The following RPS6KC1 variants were observed in gnomAD, a reference collection of about 807,000 sequenced individuals.
RPS6KC1 encodes the protein ribosomal protein S6 kinase C1, also known as inactive ribosomal protein S6 kinase delta-1.
RPS6KC1 carries 54 observed loss-of-function variants against 103.8 expected under a neutral mutation model. The ratio of observed to expected loss-of-function variants is 0.52; its 90% CI spans 0.42 to 0.65. The LOEUF is 0.65. RPS6KC1 is among the 30% of genes least tolerant of loss of function. The pLI is 0.00. For missense variants in RPS6KC1, 1,151 were observed against 1,253.8 expected (o/e 0.92, Z 1.24); for synonymous variants, 439 against 438.7 (o/e 1.00, Z -0.01).
the RPS6KC1 span, among the ~76,000 whole-genome samples, chr1:213,633,715 A>T: frequency 6.6e-6 from 1 of 151,722 alleles, no homozygotes; most frequent in Non-Finnish European, 1.5e-5. Flanking sequence ...CTTAAATGTA[A>T]GTGGGCTAAA....
rs141921911 is a variant in RPS6KC1, at chr1:213,056,785, A to G, written c.105+5276A>G. Among the ~76,000 whole-genome samples, 463 of 151,450 alleles carry G rather than the reference A, an allele frequency of 3.1e-3. 3 individuals carry two copies. Among genetic ancestry groups the G allele is most frequent in the African/African-American group, 0.011 (450 of 41,192 alleles). On this transcript the variant is annotated intron_variant, in intron 1 of 14. Coordinates refer to ENST00000366960, the MANE Select transcript of RPS6KC1 (RefSeq NM_012424.6). ...TTAGATGCTATTTTCTCTGTCTGGA[A>G]TACTCTTTCCTTTTGTCTTGGCAAT... is the stretch of plus-strand genomic sequence containing the variant.
At chr1:213,776,027 C>A in the RPS6KC1 span, among the ~76,000 whole-genome samples, 1 of 152,178 alleles carries the variant, frequency 6.6e-6, no homozygotes, top group East Asian at 1.9e-4. Flanking sequence ...GCAACTCAGT[C>A]ATATTTTCAG....
the RPS6KC1 span, among the ~76,000 whole-genome samples, chr1:213,674,048 T>C: frequency 2.6e-5 from 4 of 152,044 alleles, no homozygotes; most frequent in African/African-American, 9.7e-5. Context: ...AGACAGAGTC[T>C]CGCTATGTTG....
chr1:213,065,922 A>G (rs2078287976), intron 1 of RPS6KC1, among the ~76,000 whole-genome samples: 1 of 152,230 alleles, frequency 6.6e-6, no homozygotes, highest in Admixed American at 6.5e-5. Flanking sequence ...GGAGTCAGAC[A>G]GTCGAGGATC....
chr1:213,095,586 GGA>G (rs759852200), intron 3 of RPS6KC1, among the ~76,000 whole-genome samples: 309 of 152,182 alleles, frequency 2.0e-3, no homozygotes, highest in Non-Finnish European at 3.2e-3. Context: ...ATTGGGAGTG[GGA>G]GAGTGTCTTA....
chr1:213,735,080 C>T, the RPS6KC1 span, among the ~76,000 whole-genome samples: 905 of 152,276 alleles, frequency 5.9e-3, 9 homozygotes, highest in South Asian at 0.02. Context: ...CCCACCACCA[C>T]GCCCGGCTAA....
At chr1:213,114,295 C>T (rs2083337804) in intron 4 of RPS6KC1, among the ~76,000 whole-genome samples, 1 of 138,374 alleles carries the variant, frequency 7.2e-6, no homozygotes, top group Non-Finnish European at 1.5e-5. Flanking sequence ...AAGTTGGATT[C>T]CTAGGTATTT....
At chr1:213,564,093 G>T in the RPS6KC1 span, among the ~76,000 whole-genome samples, 1 of 149,924 alleles carries the variant, frequency 6.7e-6, no homozygotes, top group Non-Finnish European at 1.5e-5. Context: ...TTAATTGTCT[G>T]AAAAAGTCTT....
chr1:213,156,136 T>G (rs1340774102), intron 6 of RPS6KC1, among the ~76,000 whole-genome samples: 2 of 152,166 alleles, frequency 1.3e-5, no homozygotes, highest in African/African-American at 4.8e-5. Flanking sequence ...TTTATTATCT[T>G]GAAAAAGTTA....
At chr1:213,234,696 A>G (rs1023548557) in intron 10 of RPS6KC1, among the ~76,000 whole-genome samples, 1 of 152,180 alleles carries the variant, frequency 6.6e-6, no homozygotes, top group Admixed American at 6.5e-5. Context: ...AAGGACTTTG[A>G]CTTTTGTTCA....
rs199518695 is a variant in RPS6KC1, at chr1:213,135,654, CTAAT to C, written c.835+5769_835+5772del. Among the ~76,000 whole-genome samples, 140 of 152,224 alleles carry C rather than the reference CTAAT, an allele frequency of 9.2e-4. 2 individuals carry two copies. The East Asian group carries it at 0.013, about 14-fold the overall frequency. On this transcript the variant is annotated intron_variant, in intron 6 of 14. Transcript: ENST00000366960. ...CTAGAAGGAAGCATTTTAAAACAGT[CTAAT>C]TAAGATTTTTAAAAATAGAGATTTG...
chr1:213,242,026 T>C lies in RPS6KC1; in HGVS notation c.2550T>C (p.Thr850=), dbSNP rs2094367437. 3 of 1,614,070 alleles carry C rather than the reference T, an allele frequency of 1.9e-6. No individual in the cohort carries two copies. The highest frequency in any genetic ancestry group is 2.5e-6 in the Non-Finnish European group (3 of 1,179,946). Residue 850 remains threonine, a synonymous_variant, in exon 11 of 15, where the codon ACT becomes ACC. Transcript: ENST00000366960. ...AAGTATTGCTGTTTACAGATCAGAC[T>C]GATGATTTGGCTAAAGAGGAACCAA... ...TEEVLLFTDQ[T]DDLAKEEPTS... is the part of the protein sequence containing the mutation.
chr1:213,639,587 T>C, the RPS6KC1 span, among the ~76,000 whole-genome samples: 1 of 152,022 alleles, frequency 6.6e-6, no homozygotes, highest in Non-Finnish European at 1.5e-5. Context: ...CTCTTGTTAC[T>C]TTACTGAGGG....
chr1:213,676,974 T>G, the RPS6KC1 span, among the ~76,000 whole-genome samples: 3 of 152,194 alleles, frequency 2.0e-5, no homozygotes, highest in Non-Finnish European at 4.4e-5. Flanking sequence ...ACAGAGGCCC[T>G]CTGCTGAGGA....
chr1:213,156,686 A>G (rs570575682), intron 6 of RPS6KC1, among the ~76,000 whole-genome samples: 12 of 152,366 alleles, frequency 7.9e-5, no homozygotes, highest in Admixed American at 2.6e-4. Flanking sequence ...ATTGATGAAT[A>G]TATCTGAGTA....
the RPS6KC1 span, among the ~76,000 whole-genome samples, chr1:213,609,365 T>C: frequency 1.3e-5 from 2 of 152,188 alleles, no homozygotes; most frequent in Admixed American, 1.3e-4. Context: ...CCTTTCTCAC[T>C]TCTGGTCTCC....
the RPS6KC1 span, among the ~76,000 whole-genome samples, chr1:213,717,112 T>C: frequency 6.6e-6 from 1 of 152,212 alleles, no homozygotes; most frequent in Non-Finnish European, 1.5e-5. Flanking sequence ...GCTAGCAGCA[T>C]GGCAAAATGA....
chr1:213,279,057 C>T (rs2149210356), downstream of RPS6KC1, among the ~76,000 whole-genome samples: 2 of 152,150 alleles, frequency 1.3e-5, 1 homozygote, highest in East Asian at 3.9e-4. Context: ...GGTTAAATGC[C>T]ATGCTGAGAC....
the RPS6KC1 span, among the ~76,000 whole-genome samples, chr1:213,450,698 A>G: frequency 6.6e-6 from 1 of 152,196 alleles, no homozygotes. Flanking sequence ...AGTGCTTCAG[A>G]AATATTTGTT....
Sources: gnomAD v4.1 joint callset for allele counts (sites outside exome capture counted in the v4.1 genomes callset) on GRCh38, gnomAD v4.1.1 for gene constraint, MANE v1.5 for transcripts, NCBI Gene and HGNC (gene_info 2026-07-23, HGNC 2026-07-21) for gene names.